Variants in FANCB observed in about 807,000 individuals in gnomAD.
The protein encoded by FANCB is Fanconi anemia group B protein.
In FANCB, 5 loss-of-function variants were observed where a neutral mutation model predicts 38.9. That is an observed-to-expected ratio of 0.13 (90% CI 0.07 to 0.27). The LOEUF is 0.27. FANCB is among the 10% of genes least tolerant of loss of function. The pLI, the probability that FANCB is intolerant of heterozygous loss-of-function variation, is 1.00. For missense variants in FANCB, 573 were observed against 602.7 expected, an observed-to-expected ratio of 0.95 and a Z score of 0.52; for synonymous variants, 236 against 215.4, an observed-to-expected ratio of 1.10 and a Z score of -0.84.
the FANCB span, among the ~76,000 whole-genome samples, chrX:14,817,790 T>G: frequency 3.1e-3 from 347 of 111,693 alleles, 1 homozygote; most frequent in African/African-American, 0.01. Context: ...ATATGTGATT[T>G]GCAATGCACT....
At chrX:14,697,396 A>T in the FANCB span, among the ~76,000 whole-genome samples, 103 of 112,296 alleles carry the variant, frequency 9.2e-4, no homozygotes, top group African/African-American at 3.2e-3. Context: ...ATTCTGTCAT[A>T]GGGTGATCCT....
At chrX:14,805,533 C>T in the FANCB span, among the ~76,000 whole-genome samples, 251 of 111,564 alleles carry the variant, frequency 2.2e-3, 1 homozygote, top group African/African-American at 7.2e-3. Context: ...TTCATTCTCT[C>T]GCTGACTTAT....
the FANCB span, chrX:14,690,745 G>C: frequency 8.3e-7 from 1 of 1,204,991 alleles, no homozygotes; most frequent in African/African-American, 1.7e-5. Flanking sequence ...TCTGGATGGC[G>C]GTGTGCCTTC....
the FANCB span, among the ~76,000 whole-genome samples, chrX:14,721,139 A>G: frequency 9.4e-6 from 1 of 106,839 alleles, no homozygotes; most frequent in Admixed American, 1.0e-4. Flanking sequence ...AAAAAAAAAA[A>G]TACTGTTGGG....
chrX:14,871,572 G>T (rs1308881287), intron 1 of FANCB, among the ~76,000 whole-genome samples: 1 of 110,492 alleles, frequency 9.1e-6, no homozygotes, highest in African/African-American at 3.3e-5. Flanking sequence ...AGTATAGATG[G>T]ACTATCAAAC....
chrX:14,732,371 A>ATGAT, the FANCB span, among the ~76,000 whole-genome samples: 4 of 112,199 alleles, frequency 3.6e-5, no homozygotes, highest in Non-Finnish European at 5.6e-5. Flanking sequence ...TTATAGCAGA[A>ATGAT]TGATTTATAA....
downstream of FANCB, chrX:14,834,382 T>C: frequency 8.4e-6 from 3 of 357,572 alleles, no homozygotes; most frequent in Non-Finnish European, 1.5e-5. Flanking sequence ...AAGTTCTCAC[T>C]CTGCATTATA....
chrX:14,760,574 C>G, the FANCB span, among the ~76,000 whole-genome samples: 1 of 111,991 alleles, frequency 8.9e-6, no homozygotes, highest in Non-Finnish European at 1.9e-5. Flanking sequence ...GCTAAATGCA[C>G]TGATTTGATC....
intron 6 of FANCB, among the ~76,000 whole-genome samples, chrX:14,852,680 T>C (rs1204999202): frequency 8.9e-6 from 1 of 112,096 alleles, no homozygotes; most frequent in African/African-American, 3.2e-5. Flanking sequence ...TAATACTCAG[T>C]ATATTCTATT....
At chrX:14,779,624 C>T in the FANCB span, among the ~76,000 whole-genome samples, 1 of 111,886 alleles carries the variant, frequency 8.9e-6, no homozygotes, top group African/African-American at 3.3e-5. Flanking sequence ...GACTTCCCAG[C>T]CCCTCCAGAA....
the FANCB span, among the ~76,000 whole-genome samples, chrX:14,729,082 A>G: frequency 8.9e-6 from 1 of 112,618 alleles, no homozygotes; most frequent in African/African-American, 3.2e-5. Context: ...CATTCATATT[A>G]TAAGTCCTTC....
chrX:14,779,771 A>C, the FANCB span, among the ~76,000 whole-genome samples: 1 of 111,155 alleles, frequency 9.0e-6, no homozygotes, highest in Non-Finnish European at 1.9e-5. Flanking sequence ...GTGGAAGATA[A>C]GGTCTGAGAG....
At chrX:14,739,603 T>C in the FANCB span, among the ~76,000 whole-genome samples, 1 of 111,998 alleles carries the variant, frequency 8.9e-6, no homozygotes, top group Non-Finnish European at 1.9e-5. Context: ...GCATACCGCA[T>C]TAATAACATC....
chrX:14,832,128 G>C (rs1020026066), downstream of FANCB, among the ~76,000 whole-genome samples: 12 of 111,445 alleles, frequency 1.1e-4, no homozygotes, highest in Non-Finnish European at 1.9e-4. Flanking sequence ...CCAAAAACTG[G>C]GTGGCTTAAA....
chrX:14,781,130 C>A, the FANCB span, among the ~76,000 whole-genome samples: 26 of 110,566 alleles, frequency 2.4e-4, no homozygotes, highest in Non-Finnish European at 3.2e-4. Context: ...CTCTGAGAAA[C>A]TGGTAGCATA....
At position 14,859,219 on chromosome X, in the gene FANCB, G is replaced by A. The variant is rs142304943; in HGVS notation, c.1067C>T (p.Ser356Leu). The change falls in exon 4 of 10, where the codon TCA becomes TTA. Residue 356 changes from serine to leucine, a missense_variant. Coordinates refer to ENST00000650831, the MANE Select transcript of FANCB (RefSeq NM_001018113.3). Reference sequence around the variant, plus strand: ...TTTTCCAAGATCCGTTATTTTAAATGAAGTCAGGCAGTCTGAGTTCAAGGA... The same window carrying A: ...TTTTCCAAGATCCGTTATTTTAAATAAAGTCAGGCAGTCTGAGTTCAAGGA... ...KDSLNSDCLTSFKITDLGKIN... is the reference protein window; with the variant it reads ...KDSLNSDCLTLFKITDLGKIN... 93 of 1,188,136 alleles carry A rather than the reference G, an allele frequency of 7.8e-5. No homozygotes were observed. In the African/African-American group the frequency reaches 1.2e-3, roughly 16 times the overall value.
At chrX:14,775,175 T>TTTTG in the FANCB span, among the ~76,000 whole-genome samples, 55 of 97,412 alleles carry the variant, frequency 5.6e-4, no homozygotes, top group Admixed American at 2.3e-3. Flanking sequence ...TTTTTTTTTT[T>TTTTG]TTTTTTTTTT....
chrX:14,763,882 A>G, the FANCB span, among the ~76,000 whole-genome samples: 2 of 111,364 alleles, frequency 1.8e-5, no homozygotes, highest in African/African-American at 3.3e-5. Context: ...AGTTTTGCAA[A>G]TTGGCTTTAT....
chrX:14,867,743 T>A, intron 2 of FANCB, among the ~76,000 whole-genome samples: 2 of 101,216 alleles, frequency 2.0e-5, no homozygotes, highest in Admixed American at 1.1e-4. Context: ...TACATCAAAT[T>A]GAAAAGCTTT....
Sources: allele counts gnomAD v4.1 joint callset (sites outside exome capture counted in the v4.1 genomes callset), GRCh38; gene constraint gnomAD v4.1.1; transcripts MANE v1.5; gene names NCBI Gene and HGNC (gene_info 2026-07-23, HGNC 2026-07-21).